The following TJP1 variants were observed in gnomAD, a reference collection of about 807,000 sequenced individuals.
TJP1 encodes tight junction protein 1.
TJP1 carries 43 observed loss-of-function variants against 194.2 expected under a neutral mutation model. That is an observed-to-expected ratio of 0.22 (90% CI 0.17 to 0.29). The LOEUF (loss-of-function observed/expected upper bound fraction) is 0.29, where lower values mean the gene tolerates loss of function less well. TJP1 is among the 10% of genes least tolerant of loss of function. The pLI is 1.00. For synonymous variants in TJP1, 801 were observed against 779.0 expected (o/e 1.03, Z -0.47); for missense variants, 1,971 against 2,185.7 (o/e 0.90, Z 1.96).
At chr15:29,957,138 C>A (rs1157301972) in intron 1 of TJP1, among the ~76,000 whole-genome samples, 2 of 152,122 alleles carry the variant, frequency 1.3e-5, no homozygotes, top group East Asian at 3.9e-4. Flanking sequence ...TGATAGCACA[C>A]ACTTAATTCA....
chr15:29,762,268 G>GACT (rs2046055117), intron 6 of TJP1, 67 bp downstream of exon 6: 1 of 1,336,608 alleles, frequency 7.5e-7, no homozygotes, highest in African/African-American at 1.5e-5. Context: ...CAAGAGCACA[G>GACT]ACTACATGGT....
chr15:29,731,081 T>C (rs200090148), intron 15 of TJP1: 149,462 of 418,472 alleles, frequency 0.36, 4,068 homozygotes, highest in South Asian at 0.42. Context: ...TTGTTTTACT[T>C]TTTTTTTTTT....
intron 2 of TJP1, among the ~76,000 whole-genome samples, chr15:29,943,219 T>G (rs896871511): frequency 5.9e-5 from 9 of 152,248 alleles, no homozygotes; most frequent in African/African-American, 2.2e-4. Flanking sequence ...AGGTCTTTTT[T>G]AAAACATGCA....
chr15:29,861,193 C>T (rs1309304112), intron 2 of TJP1, among the ~76,000 whole-genome samples: 1 of 152,140 alleles, frequency 6.6e-6, no homozygotes, highest in Non-Finnish European at 1.5e-5. Context: ...TTATGTTTAA[C>T]ATAGACCTGC....
At chr15:29,749,392 G>A (rs538907094) in intron 8 of TJP1, among the ~76,000 whole-genome samples, 10 of 152,302 alleles carry the variant, frequency 6.6e-5, no homozygotes, top group African/African-American at 2.4e-4. Flanking sequence ...AATTAGATTA[G>A]CAAGGAGTAA....
chr15:29,729,777 C>T (rs910122340), intron 15 of TJP1, among the ~76,000 whole-genome samples: 11 of 149,076 alleles, frequency 7.4e-5, no homozygotes, highest in Admixed American at 2.7e-4. Flanking sequence ...GATCTGAGAT[C>T]GTGCCACTGC....
chr15:29,727,132 C>T, intron 16 of TJP1, 141 bp from the exon 17 acceptor site: 1 of 664,966 alleles, frequency 1.5e-6, no homozygotes, highest in Non-Finnish European at 2.5e-6. Context: ...TCACTTGAGG[C>T]CAGGAGTTCC....
chr15:29,859,162 C>T (rs959787057), intron 2 of TJP1, among the ~76,000 whole-genome samples: 1 of 152,054 alleles, frequency 6.6e-6, no homozygotes, highest in Non-Finnish European at 1.5e-5. Context: ...GTGAAAGAAA[C>T]GATTAACTTA....
intron 10 of TJP1, among the ~76,000 whole-genome samples, chr15:29,738,735 T>C (rs2044196861): frequency 6.6e-6 from 1 of 151,856 alleles, no homozygotes; most frequent in Non-Finnish European, 1.5e-5. Flanking sequence ...TCCTTAAGAC[T>C]CCAGGTCTCA....
At chr15:29,753,680 T>C (rs1333248463) in intron 8 of TJP1, among the ~76,000 whole-genome samples, 3 of 151,976 alleles carry the variant, frequency 2.0e-5, no homozygotes, top group African/African-American at 4.8e-5. Context: ...CTCAGAACTA[T>C]GCACATTGGT....
Position 29,716,760 on chromosome 15 carries a change from ATCT to A in TJP1, c.4050_4052del (p.Glu1350del), listed in dbSNP as rs1243309351. Reference sequence around the variant, plus strand: ...ACAGCTGTTTTCGATAATATTCTTCATCTTCTTCAGGGTCATAATGATTGGACC... The same window carrying A: ...ACAGCTGTTTTCGATAATATTCTTCATCTTCAGGGTCATAATGATTGGACC... On this transcript the variant is annotated inframe_deletion, in exon 23 of 28. Transcript: ENST00000614355. 5.6e-6 allele frequency: 9 copies of A among 1,614,148 alleles called. No individual in the cohort carries two copies. Among genetic ancestry groups the A allele is most frequent in the Admixed American group, 1.7e-5 (1 of 60,016 alleles).
intron 22 of TJP1, among the ~76,000 whole-genome samples, 191 bp downstream of exon 22, chr15:29,717,830 T>G (rs556896151): frequency 6.6e-6 from 1 of 152,176 alleles, no homozygotes; most frequent in Non-Finnish European, 1.5e-5. Context: ...TTTGTCAGAT[T>G]TGTCAGAAAT....
chr15:29,899,512 G>A (rs1475658313), intron 2 of TJP1, among the ~76,000 whole-genome samples: 2 of 152,146 alleles, frequency 1.3e-5, no homozygotes, highest in African/African-American at 2.4e-5. Flanking sequence ...GGCAGGGAAA[G>A]GGGCAGGGGC....
At chr15:29,804,653 T>G (rs1383544985) in intron 1 of TJP1, among the ~76,000 whole-genome samples, 2 of 152,180 alleles carry the variant, frequency 1.3e-5, no homozygotes, top group Non-Finnish European at 2.9e-5. Flanking sequence ...ACTTATCAAA[T>G]TATTTTTAAA....
At position 29,772,175 on chromosome 15, in the gene TJP1, A is replaced by G; in HGVS notation, c.210-9T>C. 1 of 1,517,788 alleles carries G rather than the reference A, an allele frequency of 6.6e-7. No individual in the cohort carries two copies. Among genetic ancestry groups the G allele is most frequent in the South Asian group, 1.2e-5 (1 of 83,982 alleles). The allele number at this position is 1,517,788 out of a possible 1,614,324, so 94.0% of individuals were successfully genotyped here. ...CAACTCGGTCATTTTCCCTAAGGGG[A>G]AAAGGGCACAAAATAATATGTTAGA... is the stretch of plus-strand genomic sequence containing the variant. On this transcript the variant is annotated splice_polypyrimidine_tract_variant and intron_variant, in intron 3 of 27. Transcript: ENST00000614355.
Position 29,732,426 on chromosome 15 carries a change from T to A in TJP1, c.2017+7A>T. 6.2e-7 allele frequency: 1 copy of A among 1,612,180 alleles called. No homozygotes were observed. The highest frequency in any genetic ancestry group is 8.5e-7 in the Non-Finnish European group (1 of 1,179,480). ...ACCTCATTTAAGTTAGCCTTGAGGCTACTTACTTGCAATTTGATAAATATC... is the reference window on the plus strand; with the variant it reads ...ACCTCATTTAAGTTAGCCTTGAGGCAACTTACTTGCAATTTGATAAATATC... On this transcript the variant is annotated splice_region_variant and intron_variant, in intron 15 of 27. Transcript: ENST00000614355.
At chr15:29,825,591 T>C (rs2050651411), upstream of TJP1, among the ~76,000 whole-genome samples, 2 of 152,202 alleles carry the variant, frequency 1.3e-5, no homozygotes, top group African/African-American at 2.4e-5. Context: ...CTAATTTGTA[T>C]ATATGTATAT....
chr15:29,771,661 C>T (rs1423475976), intron 4 of TJP1, among the ~76,000 whole-genome samples: 3 of 151,936 alleles, frequency 2.0e-5, no homozygotes, highest in South Asian at 2.1e-4. Flanking sequence ...AATAATTAGC[C>T]GGGCGTGGTG....
chr15:29,700,565 G>A lies in TJP1; in HGVS notation c.*1030C>T. 1 of 397,562 alleles carries A rather than the reference G, an allele frequency of 2.5e-6. No individual in the cohort carries two copies. Among genetic ancestry groups the A allele is most frequent in the Non-Finnish European group, 4.4e-6 (1 of 225,694 alleles). 24.6% of individuals were successfully genotyped at this position (397,562 alleles called of 1,614,324 possible). On this transcript the variant is annotated 3_prime_UTR_variant, in exon 28 of 28. Transcript: ENST00000614355. ...ATACAAAGGTAGCCTTTAGAAACGTGGTCTTGTTTATGTATAAAAAAGGTA... is the reference window on the plus strand; with the variant it reads ...ATACAAAGGTAGCCTTTAGAAACGTAGTCTTGTTTATGTATAAAAAAGGTA...
Sources: gnomAD v4.1 joint callset for allele counts (sites outside exome capture counted in the v4.1 genomes callset) on GRCh38, gnomAD v4.1.1 for gene constraint, MANE v1.5 for transcripts, NCBI Gene and HGNC (gene_info 2026-07-23, HGNC 2026-07-21) for gene names.